The following SPEN variants were observed in gnomAD, a reference collection of about 807,000 sequenced individuals.
SPEN encodes msx2-interacting protein.
In SPEN, 18 loss-of-function variants were observed where a neutral mutation model predicts 269.9. The ratio of observed to expected loss-of-function variants is 0.07; its 90% CI spans 0.05 to 0.10. SPEN has a LOEUF of 0.10. SPEN is among the 10% of genes least tolerant of loss of function. The pLI, the probability that SPEN is intolerant of heterozygous loss-of-function variation, is 1.00. For synonymous variants in SPEN, 1,726 were observed against 1,765.7 expected, an observed-to-expected ratio of 0.98 and a Z score of 0.56; for missense variants, 3,822 against 4,631.2, an observed-to-expected ratio of 0.83 and a Z score of 5.07.
intron 1 of SPEN, among the ~76,000 whole-genome samples, chr1:15,853,917 G>A (rs992212418): frequency 6.6e-6 from 1 of 151,340 alleles, no homozygotes; most frequent in South Asian, 2.1e-4. Context: ...TGTGCGCCTC[G>A]GCCTCCCAAA....
In SPEN at chr1:15,932,525, T is replaced by C; in HGVS notation, c.6285T>C (p.Asn2095=). 1.3e-6 allele frequency: 2 copies of C among 1,599,384 alleles called. No homozygotes were observed. Among genetic ancestry groups the C allele is most frequent in the Non-Finnish European group, 1.7e-6 (2 of 1,171,278 alleles). ...LAVDKSASLK[N]VDAAVSPRGA... is the part of the protein sequence containing the mutation. ...TGGACAAATCTGCAAGTCTGAAAAATGTGGATGCTGCTGTCAGTCCCAGGG... is the reference window on the plus strand; with the variant it reads ...TGGACAAATCTGCAAGTCTGAAAAACGTGGATGCTGCTGTCAGTCCCAGGG... The change falls in exon 11 of 15, where the codon AAT becomes AAC. Residue 2095 remains asparagine (N), a synonymous_variant. Coordinates refer to ENST00000375759, the MANE Select transcript of SPEN (RefSeq NM_015001.3). The surrounding 1 kb of genome is among the most constrained non-coding windows in gnomAD (Gnocchi z 4.2).
At position 15,936,121 on chromosome 1, in the gene SPEN, A is replaced by C. The variant is rs983640818; in HGVS notation, c.9881A>C (p.Gln3294Pro). 6.2e-7 allele frequency: 1 copy of C among 1,611,448 alleles called. No individual in the cohort carries two copies. The highest frequency in any genetic ancestry group is 8.5e-7 in the Non-Finnish European group (1 of 1,178,314). Residue 3294 changes from glutamine to proline, a missense_variant, in exon 11 of 15, where the codon CAG (glutamine) becomes CCG (proline). By Grantham distance (76) the Gln-to-Pro change is moderately conservative (BLOSUM62 -1). Transcript: ENST00000375759. ...CCTGTGGTGGTGACCCATGGGGTGCAGATTGTGCACTCCAGCGGGGAGCTG... is the reference window on the plus strand; with the variant it reads ...CCTGTGGTGGTGACCCATGGGGTGCCGATTGTGCACTCCAGCGGGGAGCTG... ...TPPVVVTHGV[Q>P]IVHSSGELFQ...
Position 15,936,036 on chromosome 1 carries a change from G to A in SPEN, c.9796G>A (p.Glu3266Lys). ...TGCCCCTGCTCCTGCCCCTCATGGTGAGGCCCGTATCCTCACAGTTACCCC... is the reference window on the plus strand; with the variant it reads ...TGCCCCTGCTCCTGCCCCTCATGGTAAGGCCCGTATCCTCACAGTTACCCC... ...LPAPAPAPHG[E>K]ARILTVTPSN... The change falls in exon 11 of 15, where the codon GAG becomes AAG. Residue 3266 changes from glutamate (E) to lysine (K), a missense_variant. Glu to Lys is a moderately conservative substitution (Grantham distance 56). Transcript: ENST00000375759. The A allele has an allele frequency of 6.3e-7, 1 of 1,589,026 alleles. No individual in the cohort carries two copies. The highest frequency in any genetic ancestry group is 1.1e-5 in the South Asian group (1 of 87,934).
intron 3 of SPEN, among the ~76,000 whole-genome samples, chr1:15,882,550 C>T (rs998246366): frequency 6.6e-6 from 1 of 151,176 alleles, no homozygotes; most frequent in African/African-American, 2.4e-5. Context: ...ATCCCAGCTA[C>T]TATGGTGGCT....
intron 3 of SPEN, among the ~76,000 whole-genome samples, chr1:15,901,741 C>G (rs935957810): frequency 2.0e-5 from 3 of 151,126 alleles, no homozygotes; most frequent in Non-Finnish European, 4.4e-5. Flanking sequence ...GGTGTCACAT[C>G]AGACTGCTGA....
chr1:15,883,237 C>T (rs376839144), intron 3 of SPEN, among the ~76,000 whole-genome samples: 59 of 152,266 alleles, frequency 3.9e-4, no homozygotes, highest in Non-Finnish European at 7.5e-4. Flanking sequence ...GAAAGACACA[C>T]ACACAGTTCC....
At chr1:15,892,764 G>GA (rs2070801755) in intron 3 of SPEN, among the ~76,000 whole-genome samples, 1 of 152,044 alleles carries the variant, frequency 6.6e-6, no homozygotes, top group South Asian at 2.1e-4. Flanking sequence ...TTCCCAAGGA[G>GA]AAAATCAAAT....
chr1:15,857,943 C>G (rs1038977994), intron 1 of SPEN, among the ~76,000 whole-genome samples: 1 of 152,070 alleles, frequency 6.6e-6, no homozygotes, highest in Non-Finnish European at 1.5e-5. Flanking sequence ...TCCTGGCCAA[C>G]ATAGTGAAAT....
Position 15,938,565 on chromosome 1 carries a change from CTTTTTTTTTT to C in SPEN, c.10705-143_10705-134del, listed in dbSNP as rs200567875. 2.1e-5 allele frequency: 5 copies of C among 239,094 alleles called. 1 individual carries two copies. The highest frequency in any genetic ancestry group is 6.3e-5 in the African/African-American group (2 of 31,594). The allele number at this position is 239,094 out of a possible 1,614,324, so 14.8% of individuals were successfully genotyped here. A position where few individuals can be genotyped will look rare whatever the true frequency, so the allele number is the denominator to read the frequency against. On this transcript the variant is annotated intron_variant, in intron 13 of 14. Transcript: ENST00000375759. ...TCAGCTTTCTCAGGTTGAAAAAAAGCTTTTTTTTTTTTTTTTTTTCATTCAAATATCAGGG... is the reference window on the plus strand; with the variant it reads ...TCAGCTTTCTCAGGTTGAAAAAAAGCTTTTTTTTTCATTCAAATATCAGGG...
chr1:15,893,497 AT>A lies in SPEN; in HGVS notation c.882-15821del, dbSNP rs751690565. Among the ~76,000 whole-genome samples, 9 of 152,296 alleles carry A rather than the reference AT, an allele frequency of 5.9e-5. No homozygotes were observed. In the South Asian group the frequency reaches 1.2e-3, roughly 21 times the overall value. On this transcript the variant is annotated intron_variant, in intron 3 of 14. Coordinates refer to ENST00000375759, the MANE Select transcript of SPEN (RefSeq NM_015001.3). ...GTTTCTTACTGAGTAATTCGTAGTC[AT>A]TTATAAATAAACAAAAAAGTATACC... is the stretch of plus-strand genomic sequence containing the variant.
intron 3 of SPEN, among the ~76,000 whole-genome samples, chr1:15,892,688 T>C (rs1420796696): frequency 6.6e-6 from 1 of 152,168 alleles, no homozygotes; most frequent in Non-Finnish European, 1.5e-5. Context: ...AACCGAAATA[T>C]TTATTTCAAA....
In SPEN at chr1:15,916,155, C is replaced by T; in HGVS notation, c.1271C>T (p.Pro424Leu). The change falls in exon 6 of 15, where the codon CCC (proline) becomes CTC (leucine). Residue 424 changes from proline to leucine, a missense_variant. Around this residue, in one of 16 missense-constraint regions of SPEN, gnomAD observed 230 missense variants for 426.1 expected, o/e 0.54. Transcript: ENST00000375759. ...ACAGAAAGTGAAAATGAATTTCGCC[C>T]CTTGGATGAAAGGATAGATGAATTT... ...PETESENEFR[P>L]LDERIDEFHP... 2 of 1,611,868 alleles carry T rather than the reference C, an allele frequency of 1.2e-6. No homozygotes were observed. Among genetic ancestry groups the T allele is most frequent in the Non-Finnish European group, 1.7e-6 (2 of 1,179,354 alleles).
At chr1:15,892,682 G>A (rs981152379) in intron 3 of SPEN, among the ~76,000 whole-genome samples, 6 of 152,018 alleles carry the variant, frequency 3.9e-5, no homozygotes, top group Admixed American at 6.6e-5. Context: ...TGGCTCAACC[G>A]AAATATTTAT....
At position 15,934,607 on chromosome 1, in the gene SPEN, C is replaced by T. The variant is rs763810087; in HGVS notation, c.8367C>T (p.Ser2789=). 32 of 1,613,872 alleles carry T rather than the reference C, an allele frequency of 2.0e-5. No individual in the cohort carries two copies. Among genetic ancestry groups the T allele is most frequent in the Non-Finnish European group, 2.6e-5 (31 of 1,179,892 alleles). Residue 2789 remains serine, a synonymous_variant, in exon 11 of 15, where the codon TCC becomes TCT. Coordinates refer to ENST00000375759, the MANE Select transcript of SPEN (RefSeq NM_015001.3). The surrounding 1 kb of genome is among the most constrained non-coding windows in gnomAD (Gnocchi z 9.2). The part of the protein sequence containing the change: ...ANENSRFHPG[S]MPVIDDRPAD... The stretch of plus-strand genomic sequence containing the variant: ...AAAACAGTCGGTTCCACCCAGGGTC[C>T]ATGCCTGTGATCGACGATCGTCCGG...
intron 1 of SPEN, among the ~76,000 whole-genome samples, chr1:15,857,149 C>T (rs1292543954): frequency 6.6e-5 from 10 of 151,634 alleles, no homozygotes; most frequent in African/African-American, 2.4e-4. Flanking sequence ...TGTGTCCCTT[C>T]AACCTCCCGG....
intron 3 of SPEN, among the ~76,000 whole-genome samples, chr1:15,883,958 C>T (rs959458726): frequency 5.3e-5 from 8 of 151,718 alleles, no homozygotes; most frequent in African/African-American, 9.7e-5. Context: ...TACAGGCGCC[C>T]GCCACCCCGC....
At position 15,934,895 on chromosome 1, in the gene SPEN, G is replaced by A. The variant is rs371848342; in HGVS notation, c.8655G>A (p.Thr2885=). 8.1e-6 allele frequency: 13 copies of A among 1,613,968 alleles called. No homozygotes were observed. Among genetic ancestry groups the A allele is most frequent in the East Asian group, 2.2e-5 (1 of 44,876 alleles). The change falls in exon 11 of 15, where the codon ACG becomes ACA. Residue 2885 remains threonine (T), a synonymous_variant. Coordinates refer to ENST00000375759, the MANE Select transcript of SPEN (RefSeq NM_015001.3). This position sits in a 1 kb window ranked among gnomAD's most constrained non-coding sequence, Gnocchi z 9.2. ...ATGCGAACGTGGCCACCCATTCCACGTTGGTACTGACCGCCCAGACATATA... is the reference window on the plus strand; with the variant it reads ...ATGCGAACGTGGCCACCCATTCCACATTGGTACTGACCGCCCAGACATATA... The part of the protein sequence containing the change: ...AGYANVATHS[T]LVLTAQTYNA...
At chr1:15,863,268 A>G (rs1000392062) in intron 1 of SPEN, among the ~76,000 whole-genome samples, 1 of 152,100 alleles carries the variant, frequency 6.6e-6, no homozygotes, top group Non-Finnish European at 1.5e-5. Context: ...AAAACTGCAC[A>G]TGCACACACA....
chr1:15,939,113 T>C lies in SPEN; in HGVS notation c.10864-183T>C, dbSNP rs1302082107. The stretch of plus-strand genomic sequence containing the variant: ...AGTTTAAAGATAGGGCCCCAGGGGG[T>C]TCCTGTTTATAGTTTTCTGACACCT... On this transcript the variant is annotated intron_variant, in intron 14 of 14. Transcript: ENST00000375759. The surrounding 1 kb of genome is among the most constrained non-coding windows in gnomAD (Gnocchi z 4.1). Among the ~76,000 whole-genome samples the C allele has an allele frequency of 6.6e-6, 1 of 151,580 alleles. No individual in the cohort carries two copies.
Sources: allele counts gnomAD v4.1 joint callset (sites outside exome capture counted in the v4.1 genomes callset), GRCh38; gene constraint gnomAD v4.1.1; regional missense constraint gnomAD v4.1.1; non-coding constraint Gnocchi (gnomAD v3.1); transcripts MANE v1.5; gene names NCBI Gene and HGNC (gene_info 2026-07-23, HGNC 2026-07-21).